WWC1: variants seen among roughly 807,000 people sequenced by gnomAD.
WWC1 encodes the protein protein KIBRA.
A neutral mutation model predicts 138.4 loss-of-function variants in WWC1; 55 were observed. The observed-to-expected ratio is 0.40, with a 90% CI of 0.32 to 0.50. WWC1 has a LOEUF of 0.50. Ranked by LOEUF, WWC1 falls within the 20% of genes least tolerant of loss-of-function variation. The pLI is 0.72. For synonymous variants in WWC1, 524 were observed against 564.9 expected, an observed-to-expected ratio of 0.93 and a Z score of 1.03; for missense variants, 1,226 against 1,420.4, an observed-to-expected ratio of 0.86 and a Z score of 2.20.
rs189083367 is a variant in WWC1, at chr5:168,397,476, A to G, written c.434-248A>G. Among the ~76,000 whole-genome samples, 112 of 152,248 alleles carry G rather than the reference A, an allele frequency of 7.4e-4. 3 individuals are homozygous for G. The East Asian group carries it at 0.02, about 28-fold the overall frequency. The stretch of plus-strand genomic sequence containing the variant: ...AAATTATTCTTTACACTTTTTTTGT[A>G]AACTTGCTTTCACATAATGAGTTTC... On this transcript the variant is annotated intron_variant, in intron 3 of 22. Coordinates refer to ENST00000265293, the MANE Select transcript of WWC1 (RefSeq NM_015238.3).
chr5:168,350,872 G>A (rs564074774), intron 1 of WWC1, among the ~76,000 whole-genome samples: 4 of 152,262 alleles, frequency 2.6e-5, no homozygotes, highest in African/African-American at 7.2e-5. Flanking sequence ...GAGGCTGGGC[G>A]CGGTGGCTCA....
At chr5:168,452,010 A>G (rs1050691904) in intron 17 of WWC1, among the ~76,000 whole-genome samples, 1 of 150,644 alleles carries the variant, frequency 6.6e-6, no homozygotes, top group Admixed American at 6.6e-5. Flanking sequence ...GGTTCAAGCA[A>G]TTGTCCTGCC....
At chr5:168,426,064 A>C (rs1022458453) in intron 11 of WWC1, among the ~76,000 whole-genome samples, 1 of 152,192 alleles carries the variant, frequency 6.6e-6, no homozygotes. Flanking sequence ...TGTGCCCAGA[A>C]TTATCCATGT....
At chr5:168,309,090 A>G (rs78953901) in intron 1 of WWC1, among the ~76,000 whole-genome samples, 25,215 of 152,054 alleles carry the variant, frequency 0.17, 2,573 homozygotes, top group Admixed American at 0.27. Context: ...ACACAGTGGT[A>G]TCCTCCTTGA....
intron 1 of WWC1, among the ~76,000 whole-genome samples, chr5:168,340,371 T>A (rs1773942657): frequency 6.6e-6 from 1 of 152,130 alleles, no homozygotes; most frequent in Non-Finnish European, 1.5e-5. Context: ...ATTTAAAGCT[T>A]ACAATTAAGT....
At chr5:168,374,983 T>G (rs1471544860) in intron 2 of WWC1, among the ~76,000 whole-genome samples, 1 of 152,126 alleles carries the variant, frequency 6.6e-6, no homozygotes, top group East Asian at 1.9e-4. Flanking sequence ...ATCAACCAAG[T>G]GGAGAAAACT....
At chr5:168,347,765 C>A (rs1187204686) in intron 1 of WWC1, among the ~76,000 whole-genome samples, 12 of 151,378 alleles carry the variant, frequency 7.9e-5, no homozygotes, top group African/African-American at 2.9e-4. Context: ...CAAGGTCAGT[C>A]CAAAAAAAAA....
chr5:168,320,677 C>T (rs889048436), intron 1 of WWC1, among the ~76,000 whole-genome samples: 4 of 152,116 alleles, frequency 2.6e-5, no homozygotes, highest in Admixed American at 2.0e-4. Context: ...TTCATCCTCC[C>T]GGGATGGCTT....
intron 1 of WWC1, among the ~76,000 whole-genome samples, chr5:168,339,840 T>C (rs548840628): frequency 0.013 from 1,993 of 148,564 alleles, 53 homozygotes; most frequent in African/African-American, 0.049. Context: ...CTTTTTCTTT[T>C]CTTTCTTTCT....
At chr5:168,316,865 T>C (rs1032624551) in intron 1 of WWC1, 1 of 152,242 alleles carries the variant, frequency 6.6e-6, no homozygotes, top group African/African-American at 2.4e-5. Context: ...ATGAGAATGT[T>C]GTTTCTGAAC....
chr5:168,443,703 G>A (rs759996640), intron 16 of WWC1, among the ~76,000 whole-genome samples: 116 of 152,138 alleles, frequency 7.6e-4, no homozygotes, highest in Non-Finnish European at 1.5e-3. Context: ...TATATACCAG[G>A]CCTTCAGTTG....
chr5:168,397,532 A>C (rs1778992067), intron 3 of WWC1, among the ~76,000 whole-genome samples, 192 bp from the exon 4 acceptor site: 1 of 151,932 alleles, frequency 6.6e-6, no homozygotes, highest in Non-Finnish European at 1.5e-5. Context: ...AATATTCTTC[A>C]TCCTCATTTT....
At position 168,455,394 on chromosome 5, in the gene WWC1, C is replaced by T. The variant is rs756084613; in HGVS notation, c.2697C>T (p.Ser899=). ...KETNTETPAP[S]PTVVRPKDRR... is the part of the protein sequence containing the mutation. Reference sequence around the variant, plus strand: ...CCAACACGGAGACCCCGGCCCCATCCCCCACAGTGGTGCGACCTAAGGACC... The same window carrying T: ...CCAACACGGAGACCCCGGCCCCATCTCCCACAGTGGTGCGACCTAAGGACC... Residue 899 remains serine (S), a synonymous_variant, in exon 19 of 23, where the codon TCC becomes TCT. Transcript: ENST00000265293. The T allele has an allele frequency of 5.6e-6, 9 of 1,605,408 alleles. No homozygotes were observed. The highest frequency in any genetic ancestry group is 7.7e-6 in the Non-Finnish European group (9 of 1,176,374).
At chr5:168,404,876 A>G (rs1173624076) in intron 5 of WWC1, among the ~76,000 whole-genome samples, 1 of 142,254 alleles carries the variant, frequency 7.0e-6, no homozygotes, top group African/African-American at 2.6e-5. Context: ...TCAGAAAACT[A>G]TGTCAGGACA....
Position 168,444,523 on chromosome 5 carries a change from A to C in WWC1, c.2463A>C (p.Thr821=). ...CTGTGTCTGCTCTGTTGGAACAGAC[A>C]GCAGTGGAGCTGGAGAAGAGGCAGG... ...TDAVSALLEQ[T]AVELEKRQEG... is the part of the protein sequence containing the mutation. The change falls in exon 17 of 23, where the codon ACA becomes ACC. Residue 821 remains threonine (T), a synonymous_variant. Coordinates refer to ENST00000265293, the MANE Select transcript of WWC1 (RefSeq NM_015238.3). 6.3e-7 allele frequency: 1 copy of C among 1,599,426 alleles called. No homozygotes were observed.
chr5:168,389,598 T>G (rs1371614992), intron 3 of WWC1, among the ~76,000 whole-genome samples: 6 of 14,594 alleles, frequency 4.1e-4, no homozygotes, highest in South Asian at 3.2e-3. Context: ...TGAATTTTTG[T>G]TTTTTTTTTT....
chr5:168,340,596 T>C (rs1773962552), intron 1 of WWC1, among the ~76,000 whole-genome samples: 1 of 152,194 alleles, frequency 6.6e-6, no homozygotes, highest in Admixed American at 6.5e-5. Flanking sequence ...ATGTGACCTT[T>C]TGTGTCTGGC....
At chr5:168,371,342 G>A in intron 1 of WWC1, 82 bp from the exon 2 acceptor site, 1 of 992,636 alleles carries the variant, frequency 1.0e-6, no homozygotes. Flanking sequence ...GCCCAGAAAA[G>A]CAGGAGGCAC....
chr5:168,292,461 G>A lies in WWC1; in HGVS notation c.119+190G>A, dbSNP rs1240712432. 6.6e-6 allele frequency among the ~76,000 whole-genome samples: 1 copy of A among 152,092 alleles called. No homozygotes were observed. The highest frequency in any genetic ancestry group is 1.5e-5 in the Non-Finnish European group (1 of 67,986). ...CTCCCGCCTCAGTGGGCCACCGAGA[G>A]GAGGCGCCTGCCGGGGAGCTGGCCC... is the stretch of plus-strand genomic sequence containing the variant. On this transcript the variant is annotated intron_variant, in intron 1 of 22. Transcript: ENST00000265293. This position sits in a 1 kb window ranked among gnomAD's most constrained non-coding sequence, Gnocchi z 4.4.
Sources: gnomAD v4.1 joint callset for allele counts (sites outside exome capture counted in the v4.1 genomes callset) on GRCh38, gnomAD v4.1.1 for gene constraint, Gnocchi (gnomAD v3.1) non-coding constraint, MANE v1.5 for transcripts, NCBI Gene and HGNC (gene_info 2026-07-23, HGNC 2026-07-21) for gene names.